MTA3: variants seen among roughly 807,000 people sequenced by gnomAD.
MTA3 encodes metastasis associated 1 family member 3, also known as metastasis-associated protein MTA3.
MTA3 carries 34 observed loss-of-function variants against 83.5 expected under a neutral mutation model. The ratio of observed to expected loss-of-function variants is 0.41; its 90% CI spans 0.31 to 0.54. The LOEUF (loss-of-function observed/expected upper bound fraction) is 0.54, where lower values mean the gene tolerates loss of function less well. MTA3 is among the 20% of genes least tolerant of loss of function. The pLI is 0.33. For missense variants in MTA3, 761 were observed against 726.4 expected, an observed-to-expected ratio of 1.05 and a Z score of -0.55; for synonymous variants, 303 against 252.7, an observed-to-expected ratio of 1.20 and a Z score of -1.89.
chr2:42,709,473 A>G (rs188247902), intron 14 of MTA3: 152 of 283,858 alleles, frequency 5.4e-4, no homozygotes, highest in African/African-American at 3.4e-3. Flanking sequence ...ATGAGACTCC[A>G]TAATCGAGAC....
chr2:42,746,508 G>C lies in MTA3; in HGVS notation c.1760-6866G>C, dbSNP rs1465195209. ...ATTCAATTCTGACCATGTCTACCTG[G>C]AGAGTGTCAGAACCTATAGATTGAG... is the stretch of plus-strand genomic sequence containing the variant. On this transcript the variant is annotated intron_variant, in intron 16 of 16. Transcript: ENST00000405094. Among the ~76,000 whole-genome samples the C allele has an allele frequency of 2.0e-5, 3 of 152,110 alleles. No individual in the cohort carries two copies. The East Asian group carries it at 5.8e-4, about 29-fold the overall frequency.
chr2:42,507,389 T>C (rs1310182276), intron 2 of MTA3, among the ~76,000 whole-genome samples: 6 of 151,854 alleles, frequency 4.0e-5, no homozygotes, highest in African/African-American at 1.5e-4. Flanking sequence ...CCTAAGCTGG[T>C]CTCAAACTCA....
At position 42,520,397 on chromosome 2, in the gene MTA3, A is replaced by C. The variant is rs1675369897; in HGVS notation, c.-141+25143A>C. Among the ~76,000 whole-genome samples the C allele has an allele frequency of 2.0e-5, 3 of 152,152 alleles. No individual in the cohort carries two copies. The South Asian group carries it at 6.2e-4, about 32-fold the overall frequency. On this transcript the variant is annotated intron_variant, in intron 2 of 17. Transcript: ENST00000405592. ...TCCTGTCTTGTTGAACTGTACCACC[A>C]TCCACCTGCTTCAGTTGTGCCCAGC...
At chr2:42,736,594 G>A (rs879279580) in intron 16 of MTA3, among the ~76,000 whole-genome samples, 1 of 152,136 alleles carries the variant, frequency 6.6e-6, no homozygotes, top group Non-Finnish European at 1.5e-5. Context: ...GGAACCTTAG[G>A]AATCTACCTG....
At chr2:42,568,491 G>C (rs1678046895), upstream of MTA3, 1 of 125,848 alleles carries the variant, frequency 7.9e-6, no homozygotes, top group South Asian at 3.0e-4. Context: ...CAGCGCTCCA[G>C]CCTCCCCGGG....
intron 2 of MTA3, among the ~76,000 whole-genome samples, chr2:42,560,328 C>T (rs771214459): frequency 1.6e-4 from 24 of 150,464 alleles, no homozygotes; most frequent in Non-Finnish European, 3.1e-4. Flanking sequence ...TTTAAAACTG[C>T]GTCACTGGCA....
intron 11 of MTA3, chr2:42,703,962 T>C (rs1156816231): frequency 2.4e-6 from 1 of 415,738 alleles, no homozygotes; most frequent in Non-Finnish European, 4.4e-6. Context: ...TGGGACAGTA[T>C]TTACTTCGTG....
At chr2:42,650,899 A>C (rs1409621505) in intron 6 of MTA3, among the ~76,000 whole-genome samples, 1 of 152,342 alleles carries the variant, frequency 6.6e-6, no homozygotes, top group East Asian at 1.9e-4. Context: ...GTGGCCATGC[A>C]TCACCTAATG....
chr2:42,535,979 A>T (rs1012824945), intron 2 of MTA3, among the ~76,000 whole-genome samples: 3 of 148,606 alleles, frequency 2.0e-5, no homozygotes, highest in African/African-American at 5.0e-5. Flanking sequence ...AATTACCCAG[A>T]TGTGGTGAGG....
At chr2:42,731,131 T>C (rs141389697) in intron 16 of MTA3, among the ~76,000 whole-genome samples, 50 of 152,310 alleles carry the variant, frequency 3.3e-4, no homozygotes, top group African/African-American at 1.2e-3. Context: ...TTGATTTTGT[T>C]TATAATTTCA....
chr2:42,599,507 G>A (rs13001612), intron 3 of MTA3, among the ~76,000 whole-genome samples: 112,421 of 151,758 alleles, frequency 0.74, 41,900 homozygotes, highest in South Asian at 0.88. Context: ...GGAGAATGGC[G>A]TGAAGCTGGG....
intron 14 of MTA3, among the ~76,000 whole-genome samples, chr2:42,717,928 T>C (rs1290672540): frequency 6.6e-6 from 1 of 152,194 alleles, no homozygotes; most frequent in Non-Finnish European, 1.5e-5. Context: ...TTCCACCTTG[T>C]GCTTTACGGC....
chr2:42,687,412 C>G (rs1407695670), intron 9 of MTA3, among the ~76,000 whole-genome samples: 1 of 152,168 alleles, frequency 6.6e-6, no homozygotes, highest in South Asian at 2.1e-4. Flanking sequence ...CCTAGTAGTA[C>G]TATTCCATTG....
At chr2:42,693,016 A>C (rs999259730) in intron 9 of MTA3, among the ~76,000 whole-genome samples, 1 of 152,142 alleles carries the variant, frequency 6.6e-6, no homozygotes, top group African/African-American at 2.4e-5. Context: ...CTCAGATTAG[A>C]TCTGGAATTC....
chr2:42,691,387 C>A (rs1203967553), intron 9 of MTA3, among the ~76,000 whole-genome samples: 1 of 152,128 alleles, frequency 6.6e-6, no homozygotes, highest in Non-Finnish European at 1.5e-5. Flanking sequence ...CACACACATC[C>A]CCCCCTAAAA....
chr2:42,588,097 C>T (rs1035382484), intron 3 of MTA3, among the ~76,000 whole-genome samples: 1 of 152,092 alleles, frequency 6.6e-6, no homozygotes, highest in African/African-American at 2.4e-5. Context: ...AAAAGTGTGA[C>T]ATTTTCATAG....
chr2:42,564,567 C>T (rs1677823029), upstream of MTA3, among the ~76,000 whole-genome samples: 1 of 152,060 alleles, frequency 6.6e-6, no homozygotes, highest in Non-Finnish European at 1.5e-5. Flanking sequence ...ACAGACTGGC[C>T]TTTTCTGAAA....
intron 2 of MTA3, among the ~76,000 whole-genome samples, chr2:42,560,263 C>G (rs1027221134): frequency 4.0e-5 from 6 of 151,268 alleles, no homozygotes; most frequent in Non-Finnish European, 5.9e-5. Flanking sequence ...CTGAGGTGAT[C>G]TGCCTGCGTC....
At chr2:42,701,456 G>A (rs1298933517) in intron 11 of MTA3, among the ~76,000 whole-genome samples, 2 of 150,648 alleles carry the variant, frequency 1.3e-5, no homozygotes, top group African/African-American at 4.9e-5. Flanking sequence ...AAAGAGCCAG[G>A]CATGGTGGCA....
Sources: gnomAD v4.1 joint callset for allele counts (sites outside exome capture counted in the v4.1 genomes callset) on GRCh38, gnomAD v4.1.1 for gene constraint, MANE v1.5 for transcripts, NCBI Gene and HGNC (gene_info 2026-07-23, HGNC 2026-07-21) for gene names.